Variants in CTTNBP2NL observed in about 807,000 individuals in gnomAD.
CTTNBP2NL encodes CTTNBP2 N-terminal like, also known as CTTNBP2 N-terminal-like protein.
A neutral mutation model predicts 32.5 loss-of-function variants in CTTNBP2NL; 16 were observed. That is an observed-to-expected ratio of 0.49 (90% CI 0.33 to 0.75). The LOEUF (loss-of-function observed/expected upper bound fraction) is 0.75, where lower values mean the gene tolerates loss of function less well. CTTNBP2NL is among the 30% of genes least tolerant of loss of function. The pLI is 0.02. For synonymous variants in CTTNBP2NL, 298 were observed against 289.4 expected, an observed-to-expected ratio of 1.03 and a Z score of -0.30; for missense variants, 645 against 756.0, an observed-to-expected ratio of 0.85 and a Z score of 1.72.
At position 112,440,858 on chromosome 1, in the gene CTTNBP2NL, A is replaced by G. The variant is rs367543828; in HGVS notation, c.100-8084A>G. Among the ~76,000 whole-genome samples, 9 of 152,334 alleles carry G rather than the reference A, an allele frequency of 5.9e-5. No homozygotes were observed. The East Asian group carries it at 1.2e-3, about 20-fold the overall frequency. ...GCTGTTAGGAATAGATTAGATATGT[A>G]AAAAGCACACTGTTTCGCAGGCAAT... On this transcript the variant is annotated intron_variant, in intron 3 of 5. Coordinates refer to ENST00000271277, the MANE Select transcript of CTTNBP2NL (RefSeq NM_018704.3).
At chr1:112,403,805 G>A (rs1391529397) in intron 1 of CTTNBP2NL, among the ~76,000 whole-genome samples, 1 of 152,212 alleles carries the variant, frequency 6.6e-6, no homozygotes, top group Non-Finnish European at 1.5e-5. Context: ...TCTCTAAACT[G>A]ACTTTCCCAG....
chr1:112,396,334 C>T (rs1236506745), intron 1 of CTTNBP2NL, 62 bp downstream of exon 1: 1 of 152,432 alleles, frequency 6.6e-6, no homozygotes, highest in African/African-American at 2.4e-5. Flanking sequence ...AAGAGCAAAG[C>T]AAGGATAGGG....
At chr1:112,450,757 CCTAT>C (rs1557897740) in intron 4 of CTTNBP2NL, among the ~76,000 whole-genome samples, 5 of 146,352 alleles carry the variant, frequency 3.4e-5, no homozygotes, top group Admixed American at 1.5e-4. Context: ...AAACAAAGTA[CCTAT>C]CTATTCTTTT....
intron 4 of CTTNBP2NL, among the ~76,000 whole-genome samples, chr1:112,449,767 C>T (rs1296709883): frequency 7.1e-6 from 1 of 140,890 alleles, no homozygotes; most frequent in African/African-American, 3.2e-5. Flanking sequence ...CCATATTTAA[C>T]AAGCCCTAAA....
At chr1:112,404,724 A>G (rs1399002110) in intron 1 of CTTNBP2NL, among the ~76,000 whole-genome samples, 1 of 152,234 alleles carries the variant, frequency 6.6e-6, no homozygotes, top group African/African-American at 2.4e-5. Context: ...TTACAATTTC[A>G]TTTAAATGAA....
intron 1 of CTTNBP2NL, among the ~76,000 whole-genome samples, chr1:112,404,958 G>A (rs1570714091): frequency 6.6e-6 from 1 of 152,046 alleles, no homozygotes; most frequent in Non-Finnish European, 1.5e-5. Flanking sequence ...GTCTGAGGCA[G>A]GGGAATCTCT....
intron 4 of CTTNBP2NL, among the ~76,000 whole-genome samples, chr1:112,452,206 C>T (rs1446833477): frequency 2.6e-5 from 4 of 151,884 alleles, no homozygotes; most frequent in East Asian, 3.9e-4. Flanking sequence ...GTTGCCTGGG[C>T]GGGAGTACAG....
At chr1:112,440,919 T>C in intron 3 of CTTNBP2NL, among the ~76,000 whole-genome samples, 1 of 101,304 alleles carries the variant, frequency 9.9e-6, no homozygotes, top group South Asian at 4.4e-4. Context: ...TTGTTTTTGC[T>C]GTCATTGTTA....
chr1:112,454,043 A>G (rs774177074), intron 4 of CTTNBP2NL, among the ~76,000 whole-genome samples: 10 of 152,190 alleles, frequency 6.6e-5, no homozygotes, highest in Non-Finnish European at 1.2e-4. Flanking sequence ...TGATTTGAGA[A>G]TTGAGAAGAA....
chr1:112,437,871 A>G (rs919041797), intron 3 of CTTNBP2NL, among the ~76,000 whole-genome samples: 3 of 152,128 alleles, frequency 2.0e-5, no homozygotes, highest in Non-Finnish European at 4.4e-5. Context: ...TCAGATGCAT[A>G]GTTTGCAAAT....
In CTTNBP2NL at chr1:112,456,745, C is replaced by G. The variant is rs751628121; in HGVS notation, c.1253C>G (p.Thr418Ser). ...GGGAGCTCACTGTCTCCCAGCAGCA[C>G]TGCCTCCTCCTCTCTAACATCCTCT... ...SSGSSLSPSS[T>S]ASSSLTSSPC... Residue 418 changes from threonine (T) to serine (S), a missense_variant, in exon 6 of 6, where the codon ACT becomes AGT. Physicochemically the swap from Thr to Ser is moderately conservative, Grantham distance 58. Coordinates refer to ENST00000271277, the MANE Select transcript of CTTNBP2NL (RefSeq NM_018704.3). 4 of 1,614,102 alleles carry G rather than the reference C, an allele frequency of 2.5e-6. No homozygotes were observed. Among genetic ancestry groups the G allele is most frequent in the Middle Eastern group, 1.6e-4 (1 of 6,062 alleles).
intron 1 of CTTNBP2NL, among the ~76,000 whole-genome samples, chr1:112,398,747 G>A (rs1204111900): frequency 6.8e-6 from 1 of 146,234 alleles, no homozygotes; most frequent in African/African-American, 2.5e-5. Flanking sequence ...GGTGTTTGAG[G>A]TTACAGTGAG....
intron 3 of CTTNBP2NL, among the ~76,000 whole-genome samples, chr1:112,424,706 G>A (rs1398447548): frequency 6.6e-6 from 1 of 152,108 alleles, no homozygotes; most frequent in East Asian, 1.9e-4. Context: ...GCAGTGCTTT[G>A]TAGCTTTTAG....
intron 3 of CTTNBP2NL, among the ~76,000 whole-genome samples, chr1:112,427,548 C>T (rs1322460121): frequency 6.6e-6 from 1 of 152,152 alleles, no homozygotes; most frequent in Non-Finnish European, 1.5e-5. Context: ...CCAATTACCC[C>T]TCAGACAACC....
At chr1:112,445,161 G>A (rs1273643791) in intron 3 of CTTNBP2NL, among the ~76,000 whole-genome samples, 1 of 152,124 alleles carries the variant, frequency 6.6e-6, no homozygotes, top group African/African-American at 2.4e-5. Flanking sequence ...GGCTTCAGAT[G>A]ACTACAGCCC....
chr1:112,400,249 A>G (rs1465882368), intron 1 of CTTNBP2NL, among the ~76,000 whole-genome samples: 1 of 152,216 alleles, frequency 6.6e-6, no homozygotes, highest in East Asian at 1.9e-4. Context: ...TTCAAATCCC[A>G]ACTGTGCTAC....
At chr1:112,397,017 G>A (rs1032693324) in intron 1 of CTTNBP2NL, among the ~76,000 whole-genome samples, 3 of 149,674 alleles carry the variant, frequency 2.0e-5, no homozygotes, top group Admixed American at 6.6e-5. Flanking sequence ...GGGTTTCTTA[G>A]GTTTGAATTG....
At chr1:112,448,863 G>A in intron 3 of CTTNBP2NL, 79 bp from the exon 4 acceptor site, 1 of 786,146 alleles carries the variant, frequency 1.3e-6, no homozygotes, top group Non-Finnish European at 2.2e-6. Flanking sequence ...AACCTTTAAT[G>A]TATAACCACT....
Position 112,457,365 on chromosome 1 carries a change from G to A in CTTNBP2NL, c.1873G>A (p.Val625Ile). ...LASSCSSNTV[V>I]ANGKDVELLL... ...CAGCAGCTGCTCTTCCAATACTGTT[G>A]TAGCAAATGGTAAGGATGTTGAGTT... The change falls in exon 6 of 6, where the codon GTA becomes ATA. Residue 625 changes from valine to isoleucine, a missense_variant. By Grantham distance (29) the Val-to-Ile change is conservative (BLOSUM62 3). Coordinates refer to ENST00000271277, the MANE Select transcript of CTTNBP2NL (RefSeq NM_018704.3). 1 of 1,614,126 alleles carries A rather than the reference G, an allele frequency of 6.2e-7. No individual in the cohort carries two copies. The highest frequency in any genetic ancestry group is 2.2e-5 in the East Asian group (1 of 44,884).
Sources: allele counts gnomAD v4.1 joint callset (sites outside exome capture counted in the v4.1 genomes callset), GRCh38; gene constraint gnomAD v4.1.1; transcripts MANE v1.5; gene names NCBI Gene and HGNC (gene_info 2026-07-23, HGNC 2026-07-21).